The following C11orf97 variants were observed in gnomAD, a reference collection of about 807,000 sequenced individuals.
C11orf97 encodes chromosome 11 open reading frame 97, also known as uncharacterized protein C11orf97.
In C11orf97, 15 loss-of-function variants were observed where a neutral mutation model predicts 16.2. The ratio of observed to expected loss-of-function variants is 0.93; its 90% CI spans 0.62 to 1.43. The LOEUF (loss-of-function observed/expected upper bound fraction) is 1.43, where lower values mean the gene tolerates loss of function less well. Ranked by LOEUF, C11orf97 falls within the 40% of genes most tolerant of loss-of-function variation. The pLI is 0.00. For missense variants in C11orf97, 171 were observed against 161.2 expected (o/e 1.06, Z -0.33); for synonymous variants, 61 against 65.7 (o/e 0.93, Z 0.34).
At chr11:94,515,596 CT>C (rs143387940) in intron 1 of C11orf97, among the ~76,000 whole-genome samples, 3,653 of 149,234 alleles carry the variant, frequency 0.024, 89 homozygotes, top group African/African-American at 0.059. Context: ...TCCCTTTCTC[CT>C]TTTTTTTCCT....
At chr11:94,517,812 GT>G in intron 2 of C11orf97, 125 bp downstream of exon 2, 1 of 628,746 alleles carries the variant, frequency 1.6e-6, no homozygotes, top group Non-Finnish European at 2.5e-6. Flanking sequence ...TCTTGAACTA[GT>G]TTATAATTAA....
intron 3 of C11orf97, among the ~76,000 whole-genome samples, chr11:94,530,599 C>T (rs1270170169): frequency 1.3e-5 from 2 of 152,190 alleles, no homozygotes; most frequent in African/African-American, 4.8e-5. Context: ...TAGCACAGTG[C>T]CTGGCACAGT....
At chr11:94,527,938 A>C in intron 2 of C11orf97, 146 bp from the exon 3 acceptor site, 1 of 686,788 alleles carries the variant, frequency 1.5e-6, no homozygotes, top group South Asian at 2.3e-5. Context: ...TAAACATATG[A>C]TAAAGATTTG....
At chr11:94,530,719 C>T (rs1947732701) in intron 3 of C11orf97, among the ~76,000 whole-genome samples, 1 of 152,222 alleles carries the variant, frequency 6.6e-6, no homozygotes, top group East Asian at 1.9e-4. Context: ...AACTCACATA[C>T]ATCCCCTGCT....
At position 94,531,895 on chromosome 11, in the gene C11orf97, G is replaced by C. The variant is rs927711394; in HGVS notation, c.377-1G>C. 14 of 1,464,892 alleles carry C rather than the reference G, an allele frequency of 9.6e-6. No individual in the cohort carries two copies. The African/African-American group carries it at 1.9e-4, about 20-fold the overall frequency. 90.7% of individuals were successfully genotyped at this position (1,464,892 alleles called of 1,614,324 possible). A position where few individuals can be genotyped will look rare whatever the true frequency, so the allele number is the denominator to read the frequency against. ...TTTTTCACTTTTTTTTTTAACTCTAGGATAAGATGAATTAGATTTTCCATT... is the reference window on the plus strand; with the variant it reads ...TTTTTCACTTTTTTTTTTAACTCTACGATAAGATGAATTAGATTTTCCATT... On this transcript the variant is annotated splice_acceptor_variant, in intron 3 of 3. Transcript: ENST00000542198. LOFTEE classifies it high-confidence loss of function.
rs562932173 is a variant in C11orf97, at chr11:94,519,433, T to C, written c.250+1746T>C. ...ACTATTTTCCTGGTGTTTAACATTT[T>C]TTTCTAAGTCTATACTGTTATATTC... On this transcript the variant is annotated intron_variant, in intron 2 of 3. Coordinates refer to ENST00000542198, the MANE Select transcript of C11orf97 (RefSeq NM_001190462.2). Among the ~76,000 whole-genome samples, 8 of 104,352 alleles carry C rather than the reference T, an allele frequency of 7.7e-5. No individual in the cohort carries two copies. In the South Asian group the frequency reaches 2.0e-3, roughly 26 times the overall value. The allele number at this position is 104,352 out of a possible 152,430, so 68.5% of individuals were successfully genotyped here.
chr11:94,513,940 T>A (rs1473096403), intron 1 of C11orf97, among the ~76,000 whole-genome samples: 1 of 152,168 alleles, frequency 6.6e-6, no homozygotes, highest in Non-Finnish European at 1.5e-5. Context: ...CCTGAGTAGC[T>A]GAGATTACAG....
intron 2 of C11orf97, among the ~76,000 whole-genome samples, chr11:94,526,036 C>G (rs751307682): frequency 1.1e-4 from 17 of 152,214 alleles, no homozygotes; most frequent in Non-Finnish European, 1.8e-4. Context: ...TTCTTTTCTT[C>G]TAGCTTCTCC....
intron 3 of C11orf97, among the ~76,000 whole-genome samples, chr11:94,530,746 G>A (rs1446806497): frequency 3.3e-5 from 5 of 152,120 alleles, no homozygotes; most frequent in Admixed American, 1.3e-4. Context: ...AAAGTATATC[G>A]TTTTCTCTAC....
intron 2 of C11orf97, among the ~76,000 whole-genome samples, chr11:94,518,416 C>A (rs55941932): frequency 0.55 from 84,067 of 151,506 alleles, 23,575 homozygotes; most frequent in African/African-American, 0.57. Context: ...TGCAGTGGAG[C>A]CCAAGAATTT....
chr11:94,528,784 AGAG>A (rs1324883013), intron 3 of C11orf97, among the ~76,000 whole-genome samples: 2 of 152,196 alleles, frequency 1.3e-5, no homozygotes, highest in Non-Finnish European at 1.5e-5. Context: ...TGGGGAAGAC[AGAG>A]GTCTTCATAT....
chr11:94,525,069 G>GA (rs534192532), intron 2 of C11orf97, among the ~76,000 whole-genome samples: 131 of 69,282 alleles, frequency 1.9e-3, no homozygotes, highest in Middle Eastern at 0.01. Flanking sequence ...AAGAAAAAAA[G>GA]AAAAAAAAAA....
chr11:94,523,691 TA>T (rs1185011609), intron 2 of C11orf97, among the ~76,000 whole-genome samples: 2 of 152,206 alleles, frequency 1.3e-5, no homozygotes, highest in African/African-American at 4.8e-5. Flanking sequence ...AATTGAGTTT[TA>T]TGGATGTTGA....
intron 2 of C11orf97, among the ~76,000 whole-genome samples, chr11:94,525,742 A>G (rs1164665208): frequency 6.6e-6 from 1 of 152,194 alleles, no homozygotes; most frequent in Non-Finnish European, 1.5e-5. Context: ...AGTACAGACG[A>G]TATGGCTCTA....
chr11:94,512,646 C>T lies in C11orf97; in HGVS notation c.118C>T (p.Arg40Cys). Residue 40 changes from arginine to cysteine, a missense_variant, in exon 1 of 4, where the codon CGC becomes TGC. By Grantham distance (180) the Arg-to-Cys change is radical. Coordinates refer to ENST00000542198, the MANE Select transcript of C11orf97 (RefSeq NM_001190462.2). ...GTGCGGGGCGCGCGGGGAACCCGGCCGCGGCCCCCTAGAGCACGGCCAGCA... is the reference window on the plus strand; with the variant it reads ...GTGCGGGGCGCGCGGGGAACCCGGCTGCGGCCCCCTAGAGCACGGCCAGCA... ...LGCGARGEPG[R>C]GPLEHGQQWK... The T allele has an allele frequency of 8.0e-7, 1 of 1,251,638 alleles. No individual in the cohort carries two copies. The highest frequency in any genetic ancestry group is 1.0e-6 in the Non-Finnish European group (1 of 997,256). 77.5% of individuals were successfully genotyped at this position (1,251,638 alleles called of 1,614,324 possible). A position where few individuals can be genotyped will look rare whatever the true frequency, so the allele number is the denominator to read the frequency against.
intron 2 of C11orf97, among the ~76,000 whole-genome samples, chr11:94,520,844 G>A (rs142769904): frequency 4.1e-4 from 62 of 152,266 alleles, no homozygotes; most frequent in African/African-American, 1.4e-3. Context: ...CACTGAAACC[G>A]GAGGGATCTT....
At chr11:94,529,536 T>G (rs1353360445) in intron 3 of C11orf97, among the ~76,000 whole-genome samples, 2 of 152,196 alleles carry the variant, frequency 1.3e-5, no homozygotes, top group Non-Finnish European at 2.9e-5. Context: ...TCATATGAGT[T>G]GAGGATTATA....
chr11:94,531,301 G>A (rs1947736410), intron 3 of C11orf97, among the ~76,000 whole-genome samples: 1 of 151,936 alleles, frequency 6.6e-6, no homozygotes, highest in Admixed American at 6.6e-5. Flanking sequence ...TTAGCAGGCG[G>A]GGTGACGCAC....
At chr11:94,528,337 G>T in intron 3 of C11orf97, 128 bp downstream of exon 3, 3 of 938,992 alleles carry the variant, frequency 3.2e-6, no homozygotes, top group African/African-American at 1.7e-5. Context: ...TGTTTCTCTT[G>T]GGTTGCTTTT....
Sources: gnomAD v4.1 joint callset for allele counts (sites outside exome capture counted in the v4.1 genomes callset) on GRCh38, gnomAD v4.1.1 for gene constraint, MANE v1.5 for transcripts, NCBI Gene and HGNC (gene_info 2026-07-23, HGNC 2026-07-21) for gene names.